The following SMIM36 variants were observed in gnomAD, a reference collection of about 807,000 sequenced individuals.
SMIM36 encodes the protein small integral membrane protein 36.
chr17:55,466,014 ACG>A (rs1212998284), intron 4 of SMIM36, among the ~76,000 whole-genome samples: 3 of 152,108 alleles, frequency 2.0e-5, no homozygotes, highest in Non-Finnish European at 2.9e-5. Flanking sequence ...GTGGCTCACC[ACG>A]CTTGTAATCT....
intron 3 of SMIM36, among the ~76,000 whole-genome samples, chr17:55,471,424 C>T (rs1041090096): frequency 2.6e-5 from 4 of 152,118 alleles, no homozygotes; most frequent in Non-Finnish European, 5.9e-5. Flanking sequence ...CTTCCCCTAG[C>T]GTTACCTATC....
chr17:55,482,489 T>C (rs142414773), intron 1 of SMIM36, among the ~76,000 whole-genome samples: 193 of 152,330 alleles, frequency 1.3e-3, no homozygotes, highest in Non-Finnish European at 1.8e-3. Flanking sequence ...TCAATTCAAA[T>C]CTTATAGATT....
At chr17:55,510,774 G>T in intron 1 of SMIM36, 105 bp downstream of exon 1, 1 of 231,288 alleles carries the variant, frequency 4.3e-6, no homozygotes, top group Non-Finnish European at 8.3e-6. Flanking sequence ...GAGTTGCAAG[G>T]ACAGCAACAT....
At chr17:55,500,909 A>AATATATTATAATATATTATATTTTATAAT (rs1909913940) in intron 1 of SMIM36, among the ~76,000 whole-genome samples, 9 of 14,146 alleles carry the variant, frequency 6.4e-4, no homozygotes, top group African/African-American at 1.7e-3. Flanking sequence ...ATTATATTAT[A>AATATATTATAATATATTATATTTTATAAT]ATATATTATA....
intron 1 of SMIM36, among the ~76,000 whole-genome samples, chr17:55,482,490 C>T (rs1909537448): frequency 6.6e-6 from 1 of 152,174 alleles, no homozygotes; most frequent in African/African-American, 2.4e-5. Context: ...CAATTCAAAT[C>T]TTATAGATTT....
chr17:55,516,222 TA>T (rs1360517931), upstream of SMIM36, among the ~76,000 whole-genome samples: 1 of 152,232 alleles, frequency 6.6e-6, no homozygotes. Flanking sequence ...ATAATATTTT[TA>T]AGATGCTATG....
At chr17:55,492,694 T>C (rs372168317) in intron 1 of SMIM36, among the ~76,000 whole-genome samples, 2 of 149,262 alleles carry the variant, frequency 1.3e-5, no homozygotes, top group East Asian at 3.9e-4. Flanking sequence ...TATAAAAAGG[T>C]TTTAGGGGCA....
At chr17:55,450,508 G>A (rs569974136) in intron 4 of SMIM36, among the ~76,000 whole-genome samples, 9 of 152,130 alleles carry the variant, frequency 5.9e-5, no homozygotes, top group Non-Finnish European at 1.2e-4. Context: ...GGATCTCACA[G>A]TGTTGCAAGT....
chr17:55,507,954 C>G (rs1910107966), intron 1 of SMIM36, among the ~76,000 whole-genome samples: 1 of 152,106 alleles, frequency 6.6e-6, no homozygotes, highest in African/African-American at 2.4e-5. Flanking sequence ...CTGGCAGTCC[C>G]TTTACAAGGC....
intron 1 of SMIM36, among the ~76,000 whole-genome samples, chr17:55,498,443 C>T (rs958960990): frequency 2.0e-5 from 3 of 152,174 alleles, no homozygotes; most frequent in Admixed American, 1.3e-4. Context: ...CCTGAGCTGT[C>T]TCTAGCCAGC....
At chr17:55,498,999 C>CAAAAAAAAAAAAAAAAAAAAGAAAAA (rs1909862209) in intron 1 of SMIM36, among the ~76,000 whole-genome samples, 1 of 67,048 alleles carries the variant, frequency 1.5e-5, no homozygotes, top group Non-Finnish European at 3.0e-5. Flanking sequence ...ACTCTGTCAC[C>CAAAAAAAAAAAAAAAAAAAAGAAAAA]AAAAAAAAAA....
chr17:55,507,862 T>C lies in SMIM36; in HGVS notation c.*174+3017A>G, dbSNP rs375786398. On this transcript the variant is annotated intron_variant, in intron 1 of 4. Transcript: ENST00000636752. The stretch of plus-strand genomic sequence containing the variant: ...TGCGGACTTAAGCCAGGCGTCGTGC[T>C]GACATTTAAAGATGATTCCTCTTTC... Among the ~76,000 whole-genome samples, 13 of 152,324 alleles carry C rather than the reference T, an allele frequency of 8.5e-5. No homozygotes were observed. In the East Asian group the frequency reaches 1.9e-3, roughly 23 times the overall value.
chr17:55,500,745 G>C (rs1286633948), intron 1 of SMIM36, among the ~76,000 whole-genome samples: 8 of 76,604 alleles, frequency 1.0e-4, no homozygotes, highest in Admixed American at 1.9e-4. Context: ...TCATTTAAAA[G>C]TATTTCACTT....
intron 3 of SMIM36, among the ~76,000 whole-genome samples, chr17:55,467,544 C>T (rs1457174899): frequency 6.6e-6 from 1 of 151,962 alleles, no homozygotes; most frequent in Non-Finnish European, 1.5e-5. Flanking sequence ...CTACAGGCGC[C>T]GGCCACCATG....
At chr17:55,511,473 G>A (rs1258844184), upstream of SMIM36, 3 of 391,790 alleles carry the variant, frequency 7.7e-6, no homozygotes, top group Admixed American at 4.4e-5. Context: ...ACTGCTCCAG[G>A]AGACCTCGAG....
chr17:55,465,886 A>C (rs1445024826), intron 4 of SMIM36, among the ~76,000 whole-genome samples: 2 of 152,144 alleles, frequency 1.3e-5, no homozygotes, highest in Admixed American at 1.3e-4. Context: ...TAGGTGATTT[A>C]GATCCACTGG....
At chr17:55,530,766 G>C in the SMIM36 span, among the ~76,000 whole-genome samples, 1 of 150,724 alleles carries the variant, frequency 6.6e-6, no homozygotes, top group Non-Finnish European at 1.5e-5. Flanking sequence ...CTGGGTGACA[G>C]AGCTAGACTC....
chr17:55,496,808 T>C (rs1320455638), intron 1 of SMIM36, among the ~76,000 whole-genome samples: 3 of 152,244 alleles, frequency 2.0e-5, no homozygotes, highest in Admixed American at 2.0e-4. Flanking sequence ...GCATGGATTC[T>C]GGGCAGCTAT....
intron 4 of SMIM36, among the ~76,000 whole-genome samples, chr17:55,462,163 C>T (rs1433611655): frequency 6.6e-6 from 1 of 152,144 alleles, no homozygotes; most frequent in Non-Finnish European, 1.5e-5. Flanking sequence ...TGAATATTGA[C>T]TTCCCCACTT....
Sources: gnomAD v4.1 joint callset for allele counts (sites outside exome capture counted in the v4.1 genomes callset) on GRCh38, gnomAD v4.1.1 for gene constraint, MANE v1.5 for transcripts, NCBI Gene and HGNC (gene_info 2026-07-23, HGNC 2026-07-21) for gene names.